The following DOK6 variants were observed in gnomAD, a reference collection of about 807,000 sequenced individuals.
DOK6 encodes the protein downstream of tyrosine kinase 6.
A neutral mutation model predicts 44.0 loss-of-function variants in DOK6; 22 were observed. That is an observed-to-expected ratio of 0.50 (90% confidence interval 0.36 to 0.71). DOK6 has a LOEUF of 0.71. Among genes scored for constraint, DOK6 ranks in the 30% least tolerant of loss-of-function variants. The probability of loss-of-function intolerance (pLI) is 0.00; values close to 1 mark genes in which losing one functional copy is unlikely to be tolerated. For missense variants in DOK6, 340 were observed against 416.4 expected (o/e 0.82, Z 1.60); for synonymous variants, 166 against 145.5 (o/e 1.14, Z -1.01).
At chr18:69,406,826 A>G (rs1020287676) in intron 1 of DOK6, among the ~76,000 whole-genome samples, 1 of 152,338 alleles carries the variant, frequency 6.6e-6, no homozygotes, top group Admixed American at 6.5e-5. Context: ...CACACCTGTA[A>G]TCTCAACATT....
At chr18:69,495,679 T>C (rs527799193) in intron 1 of DOK6, among the ~76,000 whole-genome samples, 1 of 152,304 alleles carries the variant, frequency 6.6e-6, no homozygotes, top group South Asian at 2.1e-4. Flanking sequence ...AGCCTGAAAG[T>C]AGGCTTGGAC....
chr18:69,461,975 T>C (rs1979800257), intron 1 of DOK6, among the ~76,000 whole-genome samples: 1 of 152,210 alleles, frequency 6.6e-6, no homozygotes, highest in Non-Finnish European at 1.5e-5. Context: ...CTTATGCCTG[T>C]TCTTCCTTTT....
At chr18:69,490,336 G>T (rs1378542428) in intron 1 of DOK6, among the ~76,000 whole-genome samples, 1 of 152,118 alleles carries the variant, frequency 6.6e-6, no homozygotes, top group Non-Finnish European at 1.5e-5. Flanking sequence ...ACAAAGGCCA[G>T]AAGCAGTTTG....
intron 7 of DOK6, among the ~76,000 whole-genome samples, chr18:69,810,817 T>C (rs1405195411): frequency 7.2e-5 from 11 of 151,926 alleles, no homozygotes; most frequent in African/African-American, 2.4e-5. Flanking sequence ...AGTGAGGATA[T>C]GTAGAAAAGG....
chr18:69,527,960 G>T (rs374175157), intron 1 of DOK6, among the ~76,000 whole-genome samples: 1 of 152,022 alleles, frequency 6.6e-6, no homozygotes, highest in Admixed American at 6.6e-5. Context: ...TCAGGAGATC[G>T]ATACCATCTT....
intron 7 of DOK6, among the ~76,000 whole-genome samples, chr18:69,824,953 C>T (rs1432025488): frequency 1.3e-5 from 2 of 152,214 alleles, no homozygotes; most frequent in African/African-American, 2.4e-5. Context: ...AGAAAAATCT[C>T]ACAATTCAAA....
intron 5 of DOK6, among the ~76,000 whole-genome samples, chr18:69,701,062 C>CT (rs1986507527): frequency 6.6e-6 from 1 of 152,172 alleles, no homozygotes; most frequent in African/African-American, 2.4e-5. Flanking sequence ...CATTGACACA[C>CT]TTTTTCAAAT....
chr18:69,608,965 C>T (rs1393407358), intron 3 of DOK6, among the ~76,000 whole-genome samples: 1 of 72,832 alleles, frequency 1.4e-5, no homozygotes, highest in East Asian at 3.8e-4. Context: ...AAAAAAAAAA[C>T]TTTCACTTAA....
At chr18:69,430,236 C>A (rs1420583229) in intron 1 of DOK6, among the ~76,000 whole-genome samples, 1 of 152,112 alleles carries the variant, frequency 6.6e-6, no homozygotes, top group Non-Finnish European at 1.5e-5. Flanking sequence ...TTTTAACATC[C>A]AATTTTAGAA....
At chr18:69,696,028 T>G (rs1336199519) in intron 4 of DOK6, among the ~76,000 whole-genome samples, 1 of 152,100 alleles carries the variant, frequency 6.6e-6, no homozygotes, top group Admixed American at 6.6e-5. Flanking sequence ...AGTTGTCCAG[T>G]TGCTTTTTTT....
At chr18:69,670,920 C>T (rs1432423451) in intron 3 of DOK6, among the ~76,000 whole-genome samples, 2 of 152,092 alleles carry the variant, frequency 1.3e-5, no homozygotes, top group Admixed American at 6.6e-5. Flanking sequence ...GGAAAGGATC[C>T]TTTTTAAGCT....
intron 5 of DOK6, among the ~76,000 whole-genome samples, chr18:69,707,438 TATC>T (rs113542041): frequency 9.3e-4 from 142 of 152,340 alleles, no homozygotes; most frequent in African/African-American, 3.4e-3. Context: ...CACTGCTAAA[TATC>T]ATTCTCCCAG....
intron 5 of DOK6, among the ~76,000 whole-genome samples, chr18:69,713,956 G>A (rs1457994687): frequency 6.6e-6 from 1 of 152,156 alleles, no homozygotes; most frequent in African/African-American, 2.4e-5. Flanking sequence ...ATTCAAGGAT[G>A]TGTCCCACTA....
intron 4 of DOK6, among the ~76,000 whole-genome samples, chr18:69,686,199 G>A (rs1034424023): frequency 2.6e-5 from 4 of 152,108 alleles, no homozygotes; most frequent in African/African-American, 9.7e-5. Flanking sequence ...CTGCTGGCAC[G>A]CTGATCTTGG....
At position 69,681,742 on chromosome 18, in the gene DOK6, A is replaced by G. The variant is rs1195379031; in HGVS notation, c.409+3889A>G. 3.3e-5 allele frequency among the ~76,000 whole-genome samples: 5 copies of G among 152,380 alleles called. No individual in the cohort carries two copies. The East Asian group carries it at 9.6e-4, about 29-fold the overall frequency. The stretch of plus-strand genomic sequence containing the variant: ...TTAATATATGGCATTACAGTTATTT[A>G]TAAAGGATTCACAACACATAATAGC... On this transcript the variant is annotated intron_variant, in intron 4 of 7. Coordinates refer to ENST00000382713, the MANE Select transcript of DOK6 (RefSeq NM_152721.6).
chr18:69,817,063 T>G (rs917789919), intron 7 of DOK6, among the ~76,000 whole-genome samples: 1 of 152,192 alleles, frequency 6.6e-6, no homozygotes, highest in Non-Finnish European at 1.5e-5. Flanking sequence ...ATGTGCATAT[T>G]AAACTGCTAG....
At chr18:69,506,516 G>C (rs1981190847) in intron 1 of DOK6, among the ~76,000 whole-genome samples, 1 of 152,052 alleles carries the variant, frequency 6.6e-6, no homozygotes. Flanking sequence ...AACCTTTCCA[G>C]TTTGGCTTCT....
chr18:69,543,716 A>G (rs537522129), intron 1 of DOK6, among the ~76,000 whole-genome samples: 1 of 151,610 alleles, frequency 6.6e-6, no homozygotes, highest in East Asian at 1.9e-4. Flanking sequence ...TTAAAAAAAT[A>G]TTTCTGCACC....
intron 1 of DOK6, among the ~76,000 whole-genome samples, chr18:69,528,162 C>CAAA (rs1555710307): frequency 1.4e-5 from 1 of 70,690 alleles, no homozygotes; most frequent in Non-Finnish European, 2.9e-5. Context: ...GACTCTGTCT[C>CAAA]AAAAAAAAAA....
Sources: allele counts gnomAD v4.1 joint callset (sites outside exome capture counted in the v4.1 genomes callset), GRCh38; gene constraint gnomAD v4.1.1; transcripts MANE v1.5; gene names NCBI Gene and HGNC (gene_info 2026-07-23, HGNC 2026-07-21).